The following SMTNL1 variants were observed in gnomAD, a reference collection of about 807,000 sequenced individuals.
The protein encoded by SMTNL1 is smoothelin like 1.
SMTNL1 carries 41 observed loss-of-function variants against 46.6 expected under a neutral mutation model. That is an observed-to-expected ratio of 0.88 (90% confidence interval 0.69 to 1.14). The LOEUF (loss-of-function observed/expected upper bound fraction) is 1.14, where lower values mean the gene tolerates loss of function less well. SMTNL1 is among the 50% of genes most tolerant of loss of function. SMTNL1 has a pLI of 0.00. For missense variants in SMTNL1, 591 were observed against 626.1 expected, an observed-to-expected ratio of 0.94 and a Z score of 0.60; for synonymous variants, 234 against 234.2, an observed-to-expected ratio of 1.00 and a Z score of 0.01.
In SMTNL1 at chr11:57,543,764, A is replaced by G; in HGVS notation, c.865+8A>G. The G allele has an allele frequency of 6.4e-7, 1 of 1,556,692 alleles. No homozygotes were observed. Among genetic ancestry groups the G allele is most frequent in the East Asian group, 2.4e-5 (1 of 41,338 alleles). On this transcript the variant is annotated splice_region_variant and intron_variant, in intron 3 of 7. Coordinates refer to ENST00000527972, the MANE Select transcript of SMTNL1 (RefSeq NM_001105565.3). ...GGCACAACCTCAGCACAGGTGAGTG[A>G]GAGCCCAGAGCCCATGGGATGCTGC...
Position 57,546,505 on chromosome 11 carries a change from TG to T in SMTNL1, c.1195del (p.Asp399ThrfsTer91), listed in dbSNP as rs1475097425. 6.2e-7 allele frequency: 1 copy of T among 1,614,158 alleles called. No homozygotes were observed. The highest frequency in any genetic ancestry group is 8.5e-7 in the Non-Finnish European group (1 of 1,180,004). ...TCTGTGCCCTGCCTGCCATAGCATG[TG>T]GACATCCAGAACTTCTCCTCCAGCT... ...CRAMTKKYEH[V>X]DIQNFSSSWS... On this transcript the variant is annotated frameshift_variant, in exon 7 of 8. Transcript: ENST00000527972. LOFTEE classifies it high-confidence loss of function.
intron 1 of SMTNL1, chr11:57,541,386 A>T: frequency 1.4e-6 from 1 of 709,808 alleles, no homozygotes; most frequent in South Asian, 1.9e-5. Flanking sequence ...ACACCCCCCA[A>T]AAAGGGCAGG....
At position 57,550,167 on chromosome 11, in the gene SMTNL1, C is replaced by T. The variant is rs8890; in HGVS notation, c.*55C>T. On this transcript the variant is annotated 3_prime_UTR_variant, in exon 8 of 8. Coordinates refer to ENST00000527972, the MANE Select transcript of SMTNL1 (RefSeq NM_001105565.3). ...GGCAGGGTGCCCAGCTCAGCAGCCA[C>T]GGCCCGGGGGTTCCCTTCTGCTCCA... 160,337 of 1,549,354 alleles carry T rather than the reference C, an allele frequency of 0.1. 9,130 individuals carry two copies. Among genetic ancestry groups the T allele is most frequent in the Middle Eastern group, 0.24 (1,437 of 5,868 alleles).
At chr11:57,538,159 CT>C (rs1482175692) in intron 1 of SMTNL1, among the ~76,000 whole-genome samples, 1 of 152,154 alleles carries the variant, frequency 6.6e-6, no homozygotes, top group Non-Finnish European at 1.5e-5. Flanking sequence ...TTGGATACCC[CT>C]AGTCTAAGCA....
chr11:57,543,801 G>A (rs1944901347), intron 3 of SMTNL1, 45 bp downstream of exon 3: 6 of 1,556,454 alleles, frequency 3.9e-6, no homozygotes, highest in South Asian at 3.6e-5. Flanking sequence ...GAGGCCACCT[G>A]GGGGAGGGGC....
At position 57,550,009 on chromosome 11, in the gene SMTNL1, T is replaced by G; in HGVS notation, c.1382T>G (p.Met461Arg). 6.2e-7 allele frequency: 1 copy of G among 1,613,986 alleles called. No homozygotes were observed. Among genetic ancestry groups the G allele is most frequent in the Non-Finnish European group, 8.5e-7 (1 of 1,179,900 alleles). The change falls in exon 8 of 8, where the codon ATG (methionine) becomes AGG (arginine). Residue 461 changes from methionine to arginine, a missense_variant. Met to Arg is a moderately conservative substitution (Grantham distance 91, BLOSUM62 -1). Coordinates refer to ENST00000527972, the MANE Select transcript of SMTNL1 (RefSeq NM_001105565.3). ...GCTCAGCTGCTGGACGTGGATGACATGGTGCGGTTGGCTGTGCCCGACTCC... is the reference window on the plus strand; with the variant it reads ...GCTCAGCTGCTGGACGTGGATGACAGGGTGCGGTTGGCTGTGCCCGACTCC... ...DCAQLLDVDD[M>R]VRLAVPDSKC...
In SMTNL1 at chr11:57,543,080, T is replaced by A; in HGVS notation, c.438T>A (p.Pro146=). ...AGGCTGAGGAGAAAGAGGCCAAACCTGAATCTGGGCAGAAAGCCGATGCCA... is the reference window on the plus strand; with the variant it reads ...AGGCTGAGGAGAAAGAGGCCAAACCAGAATCTGGGCAGAAAGCCGATGCCA... ...KQKAEEKEAK[P]ESGQKADAND... is the part of the protein sequence containing the mutation. The change falls in exon 2 of 8, where the codon CCT becomes CCA. Residue 146 remains proline, a synonymous_variant. Transcript: ENST00000527972. The A allele has an allele frequency of 2.5e-6, 4 of 1,610,508 alleles. No homozygotes were observed. The highest frequency in any genetic ancestry group is 3.4e-6 in the Non-Finnish European group (4 of 1,178,366).
At chr11:57,538,809 A>T (rs1029191083) in intron 1 of SMTNL1, among the ~76,000 whole-genome samples, 1 of 152,220 alleles carries the variant, frequency 6.6e-6, no homozygotes, top group Admixed American at 6.5e-5. Flanking sequence ...GAAATGACCA[A>T]GAGAAAGCAG....
chr11:57,542,041 G>A (rs1369323066), intron 1 of SMTNL1, among the ~76,000 whole-genome samples: 28 of 151,724 alleles, frequency 1.8e-4, no homozygotes, highest in Non-Finnish European at 4.1e-4. Context: ...GCCGAGGCAG[G>A]TGGATTGCTT....
At position 57,542,821 on chromosome 11, in the gene SMTNL1, A is replaced by T; in HGVS notation, c.179A>T (p.Asp60Val). The change falls in exon 2 of 8, where the codon GAC becomes GTC. Residue 60 changes from aspartate (D) to valine (V), a missense_variant. By Grantham distance (152) the Asp-to-Val change is radical. Transcript: ENST00000527972. ...AAGCAGGAAAAGGCACCAGCCGAGGACGGCATGTCAGCAGAACTCCAGGGG... is the reference window on the plus strand; with the variant it reads ...AAGCAGGAAAAGGCACCAGCCGAGGTCGGCATGTCAGCAGAACTCCAGGGG... ...SGKQEKAPAEDGMSAELQGEA... is the reference protein window; with the variant it reads ...SGKQEKAPAEVGMSAELQGEA... The T allele has an allele frequency of 2.5e-6, 4 of 1,613,750 alleles. No individual in the cohort carries two copies. The highest frequency in any genetic ancestry group is 3.4e-6 in the Non-Finnish European group (4 of 1,179,816).
At chr11:57,542,195 G>A (rs1944885278) in intron 1 of SMTNL1, among the ~76,000 whole-genome samples, 1 of 152,058 alleles carries the variant, frequency 6.6e-6, no homozygotes, top group Non-Finnish European at 1.5e-5. Flanking sequence ...CTACTCAGGA[G>A]GCTGAGGTTG....
rs757199783 is a variant in SMTNL1 at position 57,543,673 on chromosome 11, C to G, written c.782C>G (p.Pro261Arg). 1 of 1,602,582 alleles carries G rather than the reference C, an allele frequency of 6.2e-7. No homozygotes were observed. Among genetic ancestry groups the G allele is most frequent in the Non-Finnish European group, 8.5e-7 (1 of 1,175,136 alleles). ...EEQEQDVEKE[P>R]EGGAGVIPSS... is the part of the protein sequence containing the mutation. ...CAGGAGCAGGACGTGGAAAAAGAGC[C>G]AGAGGGAGGGGCAGGGGTGATTCCC... The change falls in exon 3 of 8, where the codon CCA becomes CGA. Residue 261 changes from proline to arginine, a missense_variant. Coordinates refer to ENST00000527972, the MANE Select transcript of SMTNL1 (RefSeq NM_001105565.3).
chr11:57,538,409 A>G (rs1012769226), intron 1 of SMTNL1, among the ~76,000 whole-genome samples: 3 of 152,220 alleles, frequency 2.0e-5, no homozygotes, highest in Admixed American at 6.5e-5. Context: ...GACACAAAAC[A>G]GGGATGGTTT....
rs769035474 is a variant in SMTNL1, at chr11:57,550,128, T to TGTGGGCAGAG, written c.*17_*26dup. 6.2e-7 allele frequency: 1 copy of TGTGGGCAGAG among 1,605,764 alleles called. No individual in the cohort carries two copies. The highest frequency in any genetic ancestry group is 1.3e-5 in the African/African-American group (1 of 74,948). ...GAAGAAGTGAGGAGGTGACTGGCTC[T>TGTGGGCAGAG]GTGGGCAGAGATGGGCAGGGTGCCC... On this transcript the variant is annotated 3_prime_UTR_variant, in exon 8 of 8. Coordinates refer to ENST00000527972, the MANE Select transcript of SMTNL1 (RefSeq NM_001105565.3).
chr11:57,543,503 AG>A lies in SMTNL1; in HGVS notation c.733-115del, dbSNP rs1256208094. On this transcript the variant is annotated intron_variant, in intron 2 of 7. Transcript: ENST00000527972. ...TGATTTCCAGAGCCCAGGGTGGGGG[AG>A]GGGGGACAAGGAGTGCAGCACCGTA... 2.1e-5 allele frequency: 32 copies of A among 1,508,418 alleles called. No individual in the cohort carries two copies. The Middle Eastern group carries it at 7.2e-4, about 34-fold the overall frequency. 93.4% of individuals were successfully genotyped at this position (1,508,418 alleles called of 1,614,324 possible). A position where few individuals can be genotyped will look rare whatever the true frequency, so the allele number is the denominator to read the frequency against.
chr11:57,550,149 T>C lies in SMTNL1; in HGVS notation c.*37T>C, dbSNP rs780061604. ...GCTCTGTGGGCAGAGATGGGCAGGG[T>C]GCCCAGCTCAGCAGCCACGGCCCGG... On this transcript the variant is annotated 3_prime_UTR_variant, in exon 8 of 8. Coordinates refer to ENST00000527972, the MANE Select transcript of SMTNL1 (RefSeq NM_001105565.3). 3 of 1,588,010 alleles carry C rather than the reference T, an allele frequency of 1.9e-6. No homozygotes were observed. The highest frequency in any genetic ancestry group is 2.6e-6 in the Non-Finnish European group (3 of 1,166,572).
intron 7 of SMTNL1, among the ~76,000 whole-genome samples, chr11:57,547,622 C>A (rs541490088): frequency 1.3e-5 from 2 of 152,248 alleles, no homozygotes; most frequent in African/African-American, 4.8e-5. Flanking sequence ...CCATGGAGTC[C>A]GGGGATGAGG....
At chr11:57,546,128 G>A (rs896668249) in intron 5 of SMTNL1, 92 bp downstream of exon 5, 21 of 1,519,726 alleles carry the variant, frequency 1.4e-5, no homozygotes, top group Non-Finnish European at 1.9e-5. Flanking sequence ...AACAGCCCAG[G>A]CCAAGGCAGG....
chr11:57,549,872 T>A (rs1007743248), intron 7 of SMTNL1, 96 bp from the exon 8 acceptor site: 4 of 1,365,592 alleles, frequency 2.9e-6, no homozygotes, highest in Non-Finnish European at 4.1e-6. Flanking sequence ...GCCCATCCTA[T>A]GGGCTTCGTC....
Sources: gnomAD v4.1 joint callset for allele counts (sites outside exome capture counted in the v4.1 genomes callset) on GRCh38, gnomAD v4.1.1 for gene constraint, MANE v1.5 for transcripts, NCBI Gene and HGNC (gene_info 2026-07-23, HGNC 2026-07-21) for gene names.